Variants in AMOTL2 observed in about 807,000 individuals in gnomAD.
AMOTL2 encodes the protein angiomotin-like protein 2.
AMOTL2 carries 33 observed loss-of-function variants against 78.4 expected under a neutral mutation model. The observed-to-expected ratio is 0.42, with a 90% CI of 0.32 to 0.56. The LOEUF is 0.56. Among genes scored for constraint, AMOTL2 ranks in the 20% least tolerant of loss-of-function variants. The pLI is 0.12. For synonymous variants in AMOTL2, 422 were observed against 428.8 expected (o/e 0.98, Z 0.20); for missense variants, 983 against 1,030.1 (o/e 0.95, Z 0.63).
chr3:134,361,561 C>T lies in AMOTL2; in HGVS notation c.1526G>A (p.Arg509His), dbSNP rs1475311303. The change falls in exon 6 of 10, where the codon CGT (arginine) becomes CAT (histidine). Residue 509 changes from arginine (R) to histidine (H), a missense_variant. Physicochemically the swap from Arg to His is conservative, Grantham distance 29 (BLOSUM62 0). Coordinates refer to ENST00000249883, the MANE Select transcript of AMOTL2 (RefSeq NM_016201.4). ...TTCCTGCTCCAGGCGAGTCCGCAGA[C>T]GCAGCTCCAGCTGCTCCCGCTTCTC... ...ACEKREQLEL[R>H]LRTRLEQELK... 6.2e-6 allele frequency: 10 copies of T among 1,613,234 alleles called. No homozygotes were observed. In the East Asian group the frequency reaches 6.7e-5, roughly 11 times the overall value.
intron 1 of AMOTL2, 134 bp downstream of exon 1, chr3:134,374,208 T>G (rs1372156301): frequency 4.1e-6 from 4 of 982,940 alleles, no homozygotes; most frequent in African/African-American, 1.7e-5. Context: ...AAGGGCGCAC[T>G]GCGCCCCGAG....
At chr3:134,370,666 C>T in intron 2 of AMOTL2, 34 bp downstream of exon 2, 1 of 1,501,728 alleles carries the variant, frequency 6.7e-7, no homozygotes, top group African/African-American at 1.4e-5. Flanking sequence ...GGAAGAAAGC[C>T]AGGAGTTGGA....
intron 3 of AMOTL2, chr3:134,366,638 G>A: frequency 1.9e-6 from 1 of 518,800 alleles, no homozygotes; most frequent in Non-Finnish European, 3.4e-6. Flanking sequence ...GGTCCCATCG[G>A]CTGCCCCAAG....
rs143787748 is a variant in AMOTL2, at chr3:134,367,706, C to T, written c.832G>A (p.Ala278Thr). ...CTCAGGGGGCCATGGCCGAGAGCAGCTGGATGTGGGGGAGGGGGGTGCTCC... is the reference window on the plus strand; with the variant it reads ...CTCAGGGGGCCATGGCCGAGAGCAGTTGGATGTGGGGGAGGGGGGTGCTCC... ...SQEHPPPPHP[A>T]ALGHGPLSSL... Residue 278 changes from alanine (A) to threonine (T), a missense_variant, in exon 3 of 10, where the codon GCT becomes ACT. Coordinates refer to ENST00000249883, the MANE Select transcript of AMOTL2 (RefSeq NM_016201.4). 1.2e-6 allele frequency: 2 copies of T among 1,613,524 alleles called. No homozygotes were observed. The highest frequency in any genetic ancestry group is 1.7e-6 in the Non-Finnish European group (2 of 1,179,996).
chr3:134,355,951 A>G lies in AMOTL2; in HGVS notation c.*1754T>C, dbSNP rs1036098733. 4 of 152,670 alleles carry G rather than the reference A, an allele frequency of 2.6e-5. No individual in the cohort carries two copies. Among genetic ancestry groups the G allele is most frequent in the Non-Finnish European group, 5.9e-5 (4 of 68,038 alleles). The allele number at this position is 152,670 out of a possible 1,614,324, so 9.5% of individuals were successfully genotyped here. On this transcript the variant is annotated 3_prime_UTR_variant, in exon 10 of 10. Coordinates refer to ENST00000249883, the MANE Select transcript of AMOTL2 (RefSeq NM_016201.4). ...GGCAGCAATCCTGGTACAGGGTGGC[A>G]TAACAAAACAGCCATGTTTACATTT... is the stretch of plus-strand genomic sequence containing the variant.
Position 134,357,774 on chromosome 3 carries a change from A to T in AMOTL2, c.2285-11T>A. 1 of 1,613,876 alleles carries T rather than the reference A, an allele frequency of 6.2e-7. No individual in the cohort carries two copies. Among genetic ancestry groups the T allele is most frequent in the East Asian group, 2.2e-5 (1 of 44,876 alleles). On this transcript the variant is annotated splice_polypyrimidine_tract_variant and intron_variant, in intron 9 of 9. Coordinates refer to ENST00000249883, the MANE Select transcript of AMOTL2 (RefSeq NM_016201.4). ...ATGTAGCTACAGAGTCTGGAGACAG[A>T]CAAGAACACAGGCACATGCCAATGA... is the stretch of plus-strand genomic sequence containing the variant.
Position 134,371,076 on chromosome 3 carries a change from G to T in AMOTL2, c.358C>A (p.Gln120Lys). The T allele has an allele frequency of 1.2e-6, 2 of 1,611,408 alleles. No individual in the cohort carries two copies. Among genetic ancestry groups the T allele is most frequent in the Admixed American group, 1.7e-5 (1 of 59,638 alleles). Residue 120 changes from glutamine to lysine, a missense_variant, in exon 2 of 10, where the codon CAG becomes AAG. By Grantham distance (53) the Gln-to-Lys change is moderately conservative (BLOSUM62 1). Coordinates refer to ENST00000249883, the MANE Select transcript of AMOTL2 (RefSeq NM_016201.4). ...GCATGTGGCCGGGTCCCTGCCTGCT[G>T]GGCCGCATAGTACTGCGAGTGGGCT... ...AKAHSQYYAA[Q>K]QAGTRPHAGD...
At chr3:134,369,295 C>G (rs2017748082) in intron 2 of AMOTL2, among the ~76,000 whole-genome samples, 1 of 152,206 alleles carries the variant, frequency 6.6e-6, no homozygotes, top group Non-Finnish European at 1.5e-5. Context: ...CCCCCCTGCA[C>G]TGGGCCAGGC....
At chr3:134,375,326 C>T (rs1283688911), upstream of AMOTL2, 2 of 1,251,142 alleles carry the variant, frequency 1.6e-6, no homozygotes, top group East Asian at 2.5e-5. Flanking sequence ...CAAGCACCCT[C>T]CAACGGAGTT....
intron 5 of AMOTL2, among the ~76,000 whole-genome samples, chr3:134,364,570 C>T (rs2017527512): frequency 1.3e-5 from 2 of 152,184 alleles, no homozygotes; most frequent in African/African-American, 4.8e-5. Context: ...TTCCCAGAGA[C>T]CTTAAGCCGC....
At chr3:134,359,669 G>A (rs2017258496) in intron 7 of AMOTL2, among the ~76,000 whole-genome samples, 166 bp from the exon 8 acceptor site, 1 of 152,040 alleles carries the variant, frequency 6.6e-6, no homozygotes, top group African/African-American at 2.4e-5. Context: ...GCTTAGAAAT[G>A]GCACCACAGC....
chr3:134,358,506 T>C lies in AMOTL2; in HGVS notation c.2284+34A>G. 10 of 1,594,440 alleles carry C rather than the reference T, an allele frequency of 6.3e-6. 1 individual carries two copies. Among genetic ancestry groups the C allele is most frequent in the Non-Finnish European group, 8.5e-6 (10 of 1,170,100 alleles). On this transcript the variant is annotated intron_variant, in intron 9 of 9. Transcript: ENST00000249883. ...TCACACCCCAGTGCCCCCTCGGCCC[T>C]ACCTAGCACAGAAGTGGGGTCAGGA...
Position 134,360,102 on chromosome 3 carries a change from G to C in AMOTL2, c.1883+4C>G, listed in dbSNP as rs573334002. On this transcript the variant is annotated splice_donor_region_variant and intron_variant, in intron 7 of 9. Coordinates refer to ENST00000249883, the MANE Select transcript of AMOTL2 (RefSeq NM_016201.4). Reference sequence around the variant, plus strand: ...CCTCAGGTGCCTGGCCTGCAATGCCGAACCTGCTTTCCATCTCCTGATGCC... The same window carrying C: ...CCTCAGGTGCCTGGCCTGCAATGCCCAACCTGCTTTCCATCTCCTGATGCC... 2 of 1,600,608 alleles carry C rather than the reference G, an allele frequency of 1.2e-6. No individual in the cohort carries two copies. The highest frequency in any genetic ancestry group is 3.3e-5 in the Admixed American group (2 of 59,760).
chr3:134,371,001 C>T lies in AMOTL2; in HGVS notation c.433G>A (p.Glu145Lys), dbSNP rs141875349. The T allele has an allele frequency of 1.2e-5, 19 of 1,602,784 alleles. No individual in the cohort carries two copies. In the African/African-American group the frequency reaches 1.2e-4, roughly 10 times the overall value. The change falls in exon 2 of 10, where the codon GAG (glutamate) becomes AAG (lysine). Residue 145 changes from glutamate to lysine, a missense_variant. Transcript: ENST00000249883. ...CCATGCCTCAGCTCCCGCAGGGCCT[C>T]GTCCTGCCTCCGACTGCCTCCCGGG... ...GAPGGSRRQD[E>K]ALRELRHGHV... is the part of the protein sequence containing the mutation.
chr3:134,361,408 G>T, intron 6 of AMOTL2, 104 bp downstream of exon 6: 2 of 1,343,752 alleles, frequency 1.5e-6, no homozygotes, highest in Non-Finnish European at 2.0e-6. Context: ...CTAAGCAGGG[G>T]CTCCCGGGGC....
chr3:134,362,472 T>C (rs756813330), intron 5 of AMOTL2, among the ~76,000 whole-genome samples: 1 of 152,070 alleles, frequency 6.6e-6, no homozygotes, highest in Non-Finnish European at 1.5e-5. Flanking sequence ...TTTGTACTTA[T>C]AGGCCACCCA....
intron 1 of AMOTL2, among the ~76,000 whole-genome samples, chr3:134,372,530 A>AACACACACACACACACACAC (rs58443336): frequency 0.017 from 2,495 of 144,360 alleles, 32 homozygotes; most frequent in Non-Finnish European, 0.019. Context: ...TATCCTCCCC[A>AACACACACACACACACACAC]ACACACACAC....
chr3:134,370,802 G>A lies in AMOTL2; in HGVS notation c.632C>T (p.Pro211Leu). ...AEGPESRGPP[P>L]QYPHVVLAHE... The stretch of plus-strand genomic sequence containing the variant: ...AGCTAGTACAACATGAGGGTACTGA[G>A]GTGGGGGTCCTCGGGACTCTGGGCC... The change falls in exon 2 of 10, where the codon CCT (proline) becomes CTT (leucine). Residue 211 changes from proline to leucine, a missense_variant. By Grantham distance (98) the Pro-to-Leu change is moderately conservative. Coordinates refer to ENST00000249883, the MANE Select transcript of AMOTL2 (RefSeq NM_016201.4). The A allele has an allele frequency of 1.9e-6, 3 of 1,561,688 alleles. No homozygotes were observed. Among genetic ancestry groups the A allele is most frequent in the Non-Finnish European group, 2.6e-6 (3 of 1,153,732 alleles).
In AMOTL2 at chr3:134,357,666, G is replaced by C. The variant is rs546488524; in HGVS notation, c.*39C>G. 21 of 1,605,938 alleles carry C rather than the reference G, an allele frequency of 1.3e-5. No homozygotes were observed. Among genetic ancestry groups the C allele is most frequent in the Non-Finnish European group, 1.2e-5 (14 of 1,172,734 alleles). Reference sequence around the variant, plus strand: ...GCTGAGAGTGGCACAGGGCAGAGGAGGGGAGAGAATGGCTCAGAGTCCTGA... The same window carrying C: ...GCTGAGAGTGGCACAGGGCAGAGGACGGGAGAGAATGGCTCAGAGTCCTGA... On this transcript the variant is annotated 3_prime_UTR_variant, in exon 10 of 10. Coordinates refer to ENST00000249883, the MANE Select transcript of AMOTL2 (RefSeq NM_016201.4).
Sources: gnomAD v4.1 joint callset for allele counts (sites outside exome capture counted in the v4.1 genomes callset) on GRCh38, gnomAD v4.1.1 for gene constraint, MANE v1.5 for transcripts, NCBI Gene and HGNC (gene_info 2026-07-23, HGNC 2026-07-21) for gene names.